Variants in EFR3B observed in about 807,000 individuals in gnomAD.
The protein encoded by EFR3B is protein EFR3 homolog B.
Under a neutral mutation model 104.7 loss-of-function variants are expected in EFR3B, and 64 were observed. That is an observed-to-expected ratio of 0.61 (90% CI 0.50 to 0.75). The LOEUF is 0.75. Ranked by LOEUF, EFR3B falls within the 30% of genes least tolerant of loss-of-function variation. The pLI is 0.00. For synonymous variants in EFR3B, 385 were observed against 417.9 expected, an observed-to-expected ratio of 0.92 and a Z score of 0.96; for missense variants, 750 against 1,078.5, an observed-to-expected ratio of 0.70 and a Z score of 4.27.
In EFR3B at chr2:25,156,804, G is replaced by A. The variant is rs895676673; in HGVS notation, c.*2464G>A. 4.9e-4 allele frequency: 75 copies of A among 152,190 alleles called. No homozygotes were observed. Among genetic ancestry groups the A allele is most frequent in the African/African-American group, 1.8e-3 (75 of 41,456 alleles). 9.4% of individuals were successfully genotyped at this position (152,190 alleles called of 1,614,324 possible). A position where few individuals can be genotyped will look rare whatever the true frequency, so the allele number is the denominator to read the frequency against. ...ACTTGACAGCAACTAACCTCTGAAA[G>A]AAACTTTAAAGAAAATTGAAATCTT... On this transcript the variant is annotated 3_prime_UTR_variant, in exon 23 of 23. Coordinates refer to ENST00000403714, the MANE Select transcript of EFR3B (RefSeq NM_014971.2).
At chr2:25,145,083 C>A in intron 19 of EFR3B, 32 bp downstream of exon 19, 2 of 1,544,014 alleles carry the variant, frequency 1.3e-6, no homozygotes, top group Non-Finnish European at 8.8e-7. Context: ...CTGGGGCAGC[C>A]CCACCTCCTG....
At chr2:25,139,954 G>T (rs1250629121) in intron 16 of EFR3B, among the ~76,000 whole-genome samples, 2 of 152,164 alleles carry the variant, frequency 1.3e-5, no homozygotes, top group East Asian at 3.8e-4. Context: ...GTTGCATAAA[G>T]ATCTTTTAAA....
chr2:25,108,856 G>A (rs970716203), intron 4 of EFR3B, among the ~76,000 whole-genome samples: 2 of 145,566 alleles, frequency 1.4e-5, no homozygotes, highest in African/African-American at 2.4e-5. Context: ...AAATTCAGCC[G>A]GGGTGTGGTG....
rs1670353072 is a variant in EFR3B, at chr2:25,131,970, G to C, written c.1147+59G>C. The C allele has an allele frequency of 1.6e-6, 2 of 1,266,080 alleles. No homozygotes were observed. The highest frequency in any genetic ancestry group is 3.6e-5 in the Admixed American group (1 of 27,970). 78.4% of individuals were successfully genotyped at this position (1,266,080 alleles called of 1,614,324 possible). A position where few individuals can be genotyped will look rare whatever the true frequency, so the allele number is the denominator to read the frequency against. On this transcript the variant is annotated intron_variant, in intron 10 of 22. Transcript: ENST00000403714. This position sits in a 1 kb window ranked among gnomAD's most constrained non-coding sequence, Gnocchi z 7.6. ...GCCGAGGCGCGGAGTGGGGAGGGGA[G>C]GGGAGGGACGGGACGGGGCCCAGGG...
At chr2:25,129,358 G>A (rs1218763981) in intron 6 of EFR3B, among the ~76,000 whole-genome samples, 2 of 139,070 alleles carry the variant, frequency 1.4e-5, no homozygotes, top group African/African-American at 5.9e-5. Context: ...GCGGGGCGTG[G>A]GGTGGGGCGT....
At chr2:25,096,996 G>A (rs1165668574) in intron 3 of EFR3B, among the ~76,000 whole-genome samples, 6 of 152,178 alleles carry the variant, frequency 3.9e-5, no homozygotes, top group Non-Finnish European at 5.9e-5. Flanking sequence ...TTGACATATT[G>A]TAAATTATAC....
intron 4 of EFR3B, among the ~76,000 whole-genome samples, chr2:25,120,720 G>A (rs1323691424): frequency 6.6e-6 from 1 of 152,142 alleles, no homozygotes; most frequent in Non-Finnish European, 1.5e-5. Flanking sequence ...ACTTCATTTA[G>A]TTCATGACTG....
At chr2:25,127,558 A>G (rs1048557428) in intron 5 of EFR3B, among the ~76,000 whole-genome samples, 3 of 152,202 alleles carry the variant, frequency 2.0e-5, no homozygotes, top group Admixed American at 2.0e-4. Flanking sequence ...AAAAGGTTTT[A>G]TAAAAAAGAA....
At chr2:25,091,771 C>T (rs998218194) in intron 2 of EFR3B, among the ~76,000 whole-genome samples, 12 of 152,260 alleles carry the variant, frequency 7.9e-5, no homozygotes, top group African/African-American at 2.9e-4. Flanking sequence ...GTGAGGACTC[C>T]CCTGTCTTGG....
chr2:25,144,646 T>C (rs1670764769), intron 18 of EFR3B, among the ~76,000 whole-genome samples: 1 of 152,230 alleles, frequency 6.6e-6, no homozygotes, highest in South Asian at 2.1e-4. Context: ...CATGAAGAGC[T>C]ACTGGTGCTC....
chr2:25,103,374 C>T (rs569089330), intron 3 of EFR3B, among the ~76,000 whole-genome samples: 2 of 152,324 alleles, frequency 1.3e-5, no homozygotes, highest in East Asian at 1.9e-4. Context: ...CTATCTCATC[C>T]GTCGTCCTGT....
intron 4 of EFR3B, among the ~76,000 whole-genome samples, chr2:25,116,662 T>TATGTCAGGGAA (rs1263244042): frequency 6.7e-6 from 1 of 150,084 alleles, no homozygotes. Context: ...TCGAAACTAA[T>TATGTCAGGGAA]ATGTCAGGGA....
At chr2:25,148,688 C>T (rs1670909829) in intron 19 of EFR3B, among the ~76,000 whole-genome samples, 1 of 150,626 alleles carries the variant, frequency 6.6e-6, no homozygotes, top group South Asian at 2.1e-4. Flanking sequence ...TTTGGGAGGC[C>T]AAGGCAGGCG....
rs1260425544 is a variant in EFR3B at position 25,155,939 on chromosome 2, C to T, written c.*1599C>T. 6.6e-6 allele frequency: 1 copy of T among 151,686 alleles called. No individual in the cohort carries two copies. The highest frequency in any genetic ancestry group is 1.9e-4 in the East Asian group (1 of 5,148). The allele number at this position is 151,686 out of a possible 1,614,324, so 9.4% of individuals were successfully genotyped here. On this transcript the variant is annotated 3_prime_UTR_variant, in exon 23 of 23. Transcript: ENST00000403714. ...CTCCTGAGTTTAAGTGATTCTCCCACCTCAGCCTCCTGAGTAGCTGAGAAT... is the reference window on the plus strand; with the variant it reads ...CTCCTGAGTTTAAGTGATTCTCCCATCTCAGCCTCCTGAGTAGCTGAGAAT...
At position 25,136,044 on chromosome 2, in the gene EFR3B, C is replaced by T. The variant is rs936443549; in HGVS notation, c.1484+405C>T. The stretch of plus-strand genomic sequence containing the variant: ...AGATTTAAGAGAAAGGGGGTCAGGG[C>T]GGTGGCTCGTGCCTGTAATCTCACA... On this transcript the variant is annotated intron_variant, in intron 13 of 22. Transcript: ENST00000403714. The surrounding 1 kb of genome is among the most constrained non-coding windows in gnomAD (Gnocchi z 4.0). 1.3e-5 allele frequency among the ~76,000 whole-genome samples: 2 copies of T among 152,052 alleles called. No individual in the cohort carries two copies. Among genetic ancestry groups the T allele is most frequent in the African/African-American group, 2.4e-5 (1 of 41,404 alleles).
intron 1 of EFR3B, among the ~76,000 whole-genome samples, chr2:25,074,512 C>G (rs1280761783): frequency 6.6e-6 from 1 of 150,548 alleles, no homozygotes; most frequent in Non-Finnish European, 1.5e-5. Context: ...TTGCAGTGAG[C>G]CAAGTTTGCG....
chr2:25,133,100 T>G, intron 11 of EFR3B, 86 bp downstream of exon 11: 1 of 1,278,066 alleles, frequency 7.8e-7, no homozygotes, highest in South Asian at 1.3e-5. Context: ...CTTAATTTTC[T>G]TGGCTCTGCC....
At chr2:25,122,647 G>T (rs901352362) in intron 5 of EFR3B, among the ~76,000 whole-genome samples, 2 of 152,028 alleles carry the variant, frequency 1.3e-5, no homozygotes, top group African/African-American at 4.8e-5. Flanking sequence ...GATCTGCATG[G>T]CTCACTGCAT....
At chr2:25,043,460 G>C (rs1211929723) in intron 1 of EFR3B, among the ~76,000 whole-genome samples, 1 of 152,212 alleles carries the variant, frequency 6.6e-6, no homozygotes, top group Admixed American at 6.5e-5. Context: ...CTGGTGGAAA[G>C]GCTCAGCAAT....
Sources: allele counts gnomAD v4.1 joint callset (sites outside exome capture counted in the v4.1 genomes callset), GRCh38; gene constraint gnomAD v4.1.1; non-coding constraint Gnocchi (gnomAD v3.1); transcripts MANE v1.5; gene names NCBI Gene and HGNC (gene_info 2026-07-23, HGNC 2026-07-21).